Variants in AGBL3 observed in about 807,000 individuals in gnomAD.
AGBL3 encodes the protein AGBL carboxypeptidase 3.
AGBL3 carries 68 observed loss-of-function variants against 94.5 expected under a neutral mutation model. The observed-to-expected ratio is 0.72, with a 90% CI of 0.59 to 0.88. The LOEUF (loss-of-function observed/expected upper bound fraction) is 0.88. AGBL3 is among the 40% of genes least tolerant of loss of function. The probability of loss-of-function intolerance (pLI) is 0.00; values close to 1 mark genes in which losing one functional copy is unlikely to be tolerated. For synonymous variants in AGBL3, 354 were observed against 370.7 expected, an observed-to-expected ratio of 0.95 and a Z score of 0.52; for missense variants, 934 against 1,103.8, an observed-to-expected ratio of 0.85 and a Z score of 2.18.
At chr7:135,061,123 C>A (rs1006354066) in intron 12 of AGBL3, among the ~76,000 whole-genome samples, 3 of 151,460 alleles carry the variant, frequency 2.0e-5, no homozygotes, top group Non-Finnish European at 4.4e-5. Flanking sequence ...GTGGTTTTAA[C>A]ATGCATTTCT....
rs377017956 is a variant in AGBL3 at position 134,992,325 on chromosome 7, CAT to C, written c.125-1167_125-1166del. On this transcript the variant is annotated intron_variant, in intron 3 of 16. Transcript: ENST00000436302. ...AGTTCATTATTTAGGTGTCAGCTCA[CAT>C]GTTACCTCTTCAGAGAAATCTTGCC... Among the ~76,000 whole-genome samples, 26 of 152,348 alleles carry C rather than the reference CAT, an allele frequency of 1.7e-4. No individual in the cohort carries two copies. In the Middle Eastern group the frequency reaches 0.014, roughly 80 times the overall value.
chr7:135,029,553 T>C (rs1439963094), intron 5 of AGBL3, among the ~76,000 whole-genome samples: 1 of 152,182 alleles, frequency 6.6e-6, no homozygotes, highest in African/African-American at 2.4e-5. Flanking sequence ...GGCTTTGGCT[T>C]AAAGGAATGT....
intron 4 of AGBL3, among the ~76,000 whole-genome samples, chr7:135,009,389 AAT>A (rs1319676306): frequency 6.6e-6 from 1 of 152,234 alleles, no homozygotes; most frequent in Non-Finnish European, 1.5e-5. Context: ...AAGAACAAAT[AAT>A]ATGATTCTAA....
chr7:135,114,666 C>T (rs186870660), intron 15 of AGBL3, among the ~76,000 whole-genome samples: 347 of 152,264 alleles, frequency 2.3e-3, no homozygotes, highest in Middle Eastern at 6.8e-3. Flanking sequence ...ACCCTTCTAG[C>T]CATTTCCACC....
At chr7:135,027,253 AC>A (rs1815251253) in intron 5 of AGBL3, among the ~76,000 whole-genome samples, 1 of 151,518 alleles carries the variant, frequency 6.6e-6, no homozygotes, top group African/African-American at 2.4e-5. Context: ...TTACCATGTT[AC>A]CAAGGCTGGT....
At chr7:135,106,766 T>C (rs2117087454) in intron 15 of AGBL3, among the ~76,000 whole-genome samples, 1 of 152,362 alleles carries the variant, frequency 6.6e-6, no homozygotes, top group East Asian at 1.9e-4. Flanking sequence ...CTCAGCTTTT[T>C]GAAATAGTTT....
chr7:135,115,115 C>T (rs1826141623), intron 15 of AGBL3, among the ~76,000 whole-genome samples: 3 of 152,152 alleles, frequency 2.0e-5, no homozygotes. Context: ...CATAAGGAGG[C>T]TTTTTCTTAA....
At chr7:135,051,749 A>G (rs1256468899) in intron 11 of AGBL3, among the ~76,000 whole-genome samples, 2 of 152,014 alleles carry the variant, frequency 1.3e-5, no homozygotes, top group South Asian at 2.1e-4. Flanking sequence ...TACTGAAAAA[A>G]TCTTCATTCC....
At chr7:135,022,445 G>A (rs945753378) in intron 5 of AGBL3, among the ~76,000 whole-genome samples, 5 of 151,708 alleles carry the variant, frequency 3.3e-5, no homozygotes, top group African/African-American at 1.2e-4. Flanking sequence ...TCATATGTTT[G>A]TTGGCCACAT....
chr7:135,065,240 G>T (rs764130431), intron 12 of AGBL3, among the ~76,000 whole-genome samples: 1 of 152,160 alleles, frequency 6.6e-6, no homozygotes, highest in Non-Finnish European at 1.5e-5. Context: ...AATTAATATT[G>T]TCAAAATGTC....
intron 15 of AGBL3, among the ~76,000 whole-genome samples, chr7:135,114,137 T>G (rs1363787765): frequency 6.6e-6 from 1 of 152,168 alleles, no homozygotes; most frequent in African/African-American, 2.4e-5. Flanking sequence ...TTGGCTATTA[T>G]GAATAATGCT....
At chr7:135,018,638 G>A (rs953012759) in intron 5 of AGBL3, among the ~76,000 whole-genome samples, 2 of 152,156 alleles carry the variant, frequency 1.3e-5, no homozygotes, top group African/African-American at 2.4e-5. Context: ...TTCATTGAAC[G>A]TGTGAAAGAT....
At chr7:135,129,339 A>G in intron 16 of AGBL3, 2 of 1,126,450 alleles carry the variant, frequency 1.8e-6, no homozygotes, top group Non-Finnish European at 2.7e-6. Context: ...AGAGAAATTA[A>G]TAGACTTACT....
At chr7:134,994,344 A>G (rs1810696965) in intron 4 of AGBL3, among the ~76,000 whole-genome samples, 1 of 150,324 alleles carries the variant, frequency 6.7e-6, no homozygotes, top group Non-Finnish European at 1.5e-5. Context: ...TTTTCCTTTA[A>G]TGGATGTTTA....
At chr7:135,022,156 G>A (rs1166891167) in intron 5 of AGBL3, among the ~76,000 whole-genome samples, 1 of 152,224 alleles carries the variant, frequency 6.6e-6, no homozygotes, top group Non-Finnish European at 1.5e-5. Flanking sequence ...ACAATGGAAT[G>A]ATTTATATTC....
At chr7:135,051,596 GT>G (rs202102761) in intron 11 of AGBL3, among the ~76,000 whole-genome samples, 1 of 151,072 alleles carries the variant, frequency 6.6e-6, no homozygotes, top group African/African-American at 2.4e-5. Context: ...TTGCGTCTAG[GT>G]TTTTTTTTCC....
intron 16 of AGBL3, among the ~76,000 whole-genome samples, chr7:135,121,890 A>C (rs1262148963): frequency 6.6e-6 from 1 of 152,202 alleles, no homozygotes; most frequent in African/African-American, 2.4e-5. Flanking sequence ...TTTTCCACAG[A>C]ACTGTGAAAC....
At chr7:135,089,835 A>G (rs1821626021) in intron 15 of AGBL3, among the ~76,000 whole-genome samples, 1 of 152,214 alleles carries the variant, frequency 6.6e-6, no homozygotes, top group African/African-American at 2.4e-5. Flanking sequence ...TTCCAGGTGC[A>G]GGTGCTTGGA....
At chr7:135,122,515 C>T (rs943923226) in intron 16 of AGBL3, among the ~76,000 whole-genome samples, 1 of 152,180 alleles carries the variant, frequency 6.6e-6, no homozygotes, top group African/African-American at 2.4e-5. Flanking sequence ...CAGCGAAGCA[C>T]ACCCCCCCAA....
Sources: allele counts gnomAD v4.1 joint callset (sites outside exome capture counted in the v4.1 genomes callset), GRCh38; gene constraint gnomAD v4.1.1; transcripts MANE v1.5; gene names NCBI Gene and HGNC (gene_info 2026-07-23, HGNC 2026-07-21).